ITPR2: variants seen among roughly 807,000 people sequenced by gnomAD.
ITPR2 encodes the protein inositol 1,4,5-trisphosphate-gated calcium channel ITPR2.
A neutral mutation model predicts 317.1 loss-of-function variants in ITPR2; 207 were observed. The ratio of observed to expected loss-of-function variants is 0.65; its 90% CI spans 0.58 to 0.73. The LOEUF is 0.73. ITPR2 is among the 30% of genes least tolerant of loss of function. The pLI, the probability that ITPR2 is intolerant of heterozygous loss-of-function variation, is 0.00. For synonymous variants in ITPR2, 1,156 were observed against 1,149.1 expected (o/e 1.01, Z -0.12); for missense variants, 2,613 against 3,284.0 (o/e 0.80, Z 4.99).
Position 26,578,705 on chromosome 12 carries a change from T to C in ITPR2, c.4630+8A>G, listed in dbSNP as rs1240585378. The C allele has an allele frequency of 6.3e-7, 1 of 1,587,654 alleles. No individual in the cohort carries two copies. The highest frequency in any genetic ancestry group is 1.3e-5 in the African/African-American group (1 of 74,758). On this transcript the variant is annotated splice_region_variant and intron_variant, in intron 34 of 56. Transcript: ENST00000381340. ...GTAAAAATAAGTAAAACTCAAACTATGACTTACCCACTTCAGCCAAAGTTC... is the reference window on the plus strand; with the variant it reads ...GTAAAAATAAGTAAAACTCAAACTACGACTTACCCACTTCAGCCAAAGTTC...
At chr12:26,463,037 C>T (rs971972143) in intron 45 of ITPR2, among the ~76,000 whole-genome samples, 2 of 152,156 alleles carry the variant, frequency 1.3e-5, no homozygotes, top group African/African-American at 4.8e-5. Context: ...ATATTATATG[C>T]AGATACATGC....
intron 37 of ITPR2, among the ~76,000 whole-genome samples, chr12:26,500,372 C>G (rs1353136021): frequency 8.3e-6 from 1 of 120,932 alleles, no homozygotes; most frequent in African/African-American, 2.6e-5. Flanking sequence ...AAGAATTTCA[C>G]CACAGTTGAG....
chr12:26,737,281 C>T (rs1283127582), intron 2 of ITPR2, among the ~76,000 whole-genome samples: 2 of 149,912 alleles, frequency 1.3e-5, no homozygotes, highest in Admixed American at 6.7e-5. Flanking sequence ...TTTTTTAATA[C>T]GGAGCCTCGC....
intron 55 of ITPR2, among the ~76,000 whole-genome samples, chr12:26,351,565 G>A (rs78678906): frequency 0.064 from 9,755 of 152,202 alleles, 432 homozygotes; most frequent in Non-Finnish European, 0.095. Context: ...GAGGTAGGAG[G>A]ACTGCTTGAG....
At chr12:26,424,820 C>T (rs2136696944) in intron 49 of ITPR2, among the ~76,000 whole-genome samples, 1 of 152,050 alleles carries the variant, frequency 6.6e-6, no homozygotes, top group East Asian at 1.9e-4. Flanking sequence ...AGTGCAGTGG[C>T]CTGATGTCAG....
At chr12:26,581,375 C>T (rs951741433) in intron 32 of ITPR2, among the ~76,000 whole-genome samples, 4 of 152,088 alleles carry the variant, frequency 2.6e-5, no homozygotes, top group Non-Finnish European at 4.4e-5. Flanking sequence ...ACTTTTTCCT[C>T]ATCTATTAAT....
chr12:26,502,859 T>C (rs1165014367), intron 37 of ITPR2, among the ~76,000 whole-genome samples: 1 of 152,180 alleles, frequency 6.6e-6, no homozygotes, highest in East Asian at 1.9e-4. Context: ...AGTTTGCTGT[T>C]TTAAAGTTCT....
intron 29 of ITPR2, among the ~76,000 whole-genome samples, chr12:26,599,553 A>G (rs1945941600): frequency 6.6e-6 from 1 of 152,214 alleles, no homozygotes; most frequent in African/African-American, 2.4e-5. Context: ...TGGAGAAATG[A>G]GCTTATTATC....
At chr12:26,486,053 C>A (rs1367190460) in intron 41 of ITPR2, 51 bp downstream of exon 41, 1 of 1,584,448 alleles carries the variant, frequency 6.3e-7, no homozygotes, top group South Asian at 1.1e-5. Flanking sequence ...AATTTAATTA[C>A]TGATAAACAT....
chr12:26,466,642 G>C (rs1191307844), intron 45 of ITPR2, among the ~76,000 whole-genome samples: 2 of 152,112 alleles, frequency 1.3e-5, no homozygotes, highest in South Asian at 2.1e-4. Context: ...CTACTTTCTG[G>C]AGTTCATAAG....
chr12:26,673,583 A>G (rs1280541988), intron 13 of ITPR2, among the ~76,000 whole-genome samples: 2 of 151,252 alleles, frequency 1.3e-5, no homozygotes, highest in African/African-American at 4.9e-5. Flanking sequence ...CCCACAGCCA[A>G]TGTCATACTG....
chr12:26,430,437 T>A (rs1470921673), intron 48 of ITPR2, among the ~76,000 whole-genome samples: 5 of 152,170 alleles, frequency 3.3e-5, no homozygotes, highest in Non-Finnish European at 7.4e-5. Context: ...CTAAATTTTG[T>A]ATTGTCAGTA....
intron 45 of ITPR2, among the ~76,000 whole-genome samples, chr12:26,465,314 C>A (rs1942143719): frequency 6.6e-6 from 1 of 152,078 alleles, no homozygotes; most frequent in African/African-American, 2.4e-5. Context: ...ATGGGGGCAA[C>A]CTTTAGATTG....
chr12:26,408,650 C>T (rs994145174), intron 52 of ITPR2, among the ~76,000 whole-genome samples: 2 of 152,268 alleles, frequency 1.3e-5, no homozygotes, highest in South Asian at 4.2e-4. Flanking sequence ...TCTTCTGGGC[C>T]CACTGAGTCA....
intron 37 of ITPR2, among the ~76,000 whole-genome samples, chr12:26,508,078 T>C (rs1282542904): frequency 6.6e-6 from 1 of 152,204 alleles, no homozygotes; most frequent in African/African-American, 2.4e-5. Flanking sequence ...ATCTCTTTTC[T>C]GCTTTATTTC....
chr12:26,479,562 A>C (rs1022956885), intron 43 of ITPR2, among the ~76,000 whole-genome samples: 3 of 152,216 alleles, frequency 2.0e-5, no homozygotes, highest in African/African-American at 2.4e-5. Context: ...TATGAATTTA[A>C]GATAAAACAA....
At chr12:26,765,228 T>C (rs553688670) in intron 2 of ITPR2, among the ~76,000 whole-genome samples, 23 of 152,214 alleles carry the variant, frequency 1.5e-4, no homozygotes, top group African/African-American at 5.5e-4. Flanking sequence ...ATTTTGCCCA[T>C]CCCATGTTGA....
intron 32 of ITPR2, among the ~76,000 whole-genome samples, chr12:26,593,714 G>C (rs1362521826): frequency 7.0e-6 from 1 of 143,402 alleles, no homozygotes; most frequent in Non-Finnish European, 1.5e-5. Context: ...TTAAGCAATA[G>C]TTAAAATCAT....
chr12:26,699,393 C>A (rs1325048439), intron 9 of ITPR2, among the ~76,000 whole-genome samples: 1 of 152,194 alleles, frequency 6.6e-6, no homozygotes, highest in Non-Finnish European at 1.5e-5. Flanking sequence ...ACACCAGCAT[C>A]TTTAGGAAAG....
Sources: gnomAD v4.1 joint callset for allele counts (sites outside exome capture counted in the v4.1 genomes callset) on GRCh38, gnomAD v4.1.1 for gene constraint, MANE v1.5 for transcripts, NCBI Gene and HGNC (gene_info 2026-07-23, HGNC 2026-07-21) for gene names.